The following BEGAIN variants were observed in gnomAD, a reference collection of about 807,000 sequenced individuals.
The protein encoded by BEGAIN is brain enriched guanylate kinase associated.
In BEGAIN, 19 loss-of-function variants were observed where a neutral mutation model predicts 35.8. The observed-to-expected ratio is 0.53, with a 90% CI of 0.37 to 0.78. The LOEUF is 0.78. Ranked by LOEUF, BEGAIN falls within the 30% of genes least tolerant of loss-of-function variation. BEGAIN has a pLI of 0.00. For synonymous variants in BEGAIN, 462 were observed against 388.6 expected, an observed-to-expected ratio of 1.19 and a Z score of -2.22; for missense variants, 795 against 853.6, an observed-to-expected ratio of 0.93 and a Z score of 0.85.
intron 1 of BEGAIN, among the ~76,000 whole-genome samples, chr14:100,583,146 G>A (rs540803174): frequency 1.3e-4 from 20 of 151,434 alleles, no homozygotes; most frequent in African/African-American, 4.6e-4. Flanking sequence ...CCATCTGTCC[G>A]CCTGCCCATC....
chr14:100,563,860 A>G lies in BEGAIN; in HGVS notation c.71+4051T>C, dbSNP rs10144080. Among the ~76,000 whole-genome samples, 10,380 of 152,262 alleles carry G rather than the reference A, an allele frequency of 0.068. 1,135 individuals are homozygous for G. Among genetic ancestry groups the G allele is most frequent in the African/African-American group, 0.23 (9,490 of 41,506 alleles). ...ACAACAGCAACTGGTAGCTCCACCT[A>G]CCACCACAAGGGACCCTCACAAACA... is the stretch of plus-strand genomic sequence containing the variant. On this transcript the variant is annotated intron_variant, in intron 2 of 6. Transcript: ENST00000554140. The surrounding 1 kb of genome is among the most constrained non-coding windows in gnomAD (Gnocchi z 4.2).
At chr14:100,580,028 G>GGT (rs10656866) in intron 1 of BEGAIN, among the ~76,000 whole-genome samples, 42,492 of 152,158 alleles carry the variant, frequency 0.28, 6,365 homozygotes, top group African/African-American at 0.37. Context: ...GACCAGGCCG[G>GGT]GTGCGGTGGC....
intron 2 of BEGAIN, among the ~76,000 whole-genome samples, chr14:100,565,464 T>C (rs1029090409): frequency 2.0e-5 from 3 of 152,146 alleles, no homozygotes; most frequent in African/African-American, 7.2e-5. Flanking sequence ...CCAGGTGACA[T>C]GGTCCTTTTG....
At chr14:100,541,222 C>G (rs2031560066) in intron 5 of BEGAIN, among the ~76,000 whole-genome samples, 1 of 152,268 alleles carries the variant, frequency 6.6e-6, no homozygotes, top group African/African-American at 2.4e-5. Context: ...CACTGAAAAT[C>G]TCTGTTGCAT....
At chr14:100,540,940 C>T (rs971638574) in intron 5 of BEGAIN, among the ~76,000 whole-genome samples, 3 of 152,216 alleles carry the variant, frequency 2.0e-5, no homozygotes, top group African/African-American at 7.2e-5. Flanking sequence ...CTCCCTGTCC[C>T]TGTCCCTCAG....
rs1173711821 is a variant in BEGAIN at position 100,538,829 on chromosome 14, C to G, written c.979G>C (p.Glu327Gln). 16 of 1,605,094 alleles carry G rather than the reference C, an allele frequency of 1.0e-5. No individual in the cohort carries two copies. Among genetic ancestry groups the G allele is most frequent in the Non-Finnish European group, 1.3e-5 (15 of 1,177,578 alleles). ...SSYSSFSATSEEKEHAQASTL... is the reference protein window; with the variant it reads ...SSYSSFSATSQEKEHAQASTL... ...CTGGCCTGCGCGTGCTCCTTCTCCTCCGACGTGGCGCTGAAGCTGGAGTAG... is the reference window on the plus strand; with the variant it reads ...CTGGCCTGCGCGTGCTCCTTCTCCTGCGACGTGGCGCTGAAGCTGGAGTAG... Residue 327 changes from glutamate (E) to glutamine (Q), a missense_variant, in exon 7 of 7, where the codon GAG (glutamate) becomes CAG (glutamine). By Grantham distance (29) the Glu-to-Gln change is conservative. Coordinates refer to ENST00000554140, the MANE Select transcript of BEGAIN (RefSeq NM_001385089.1).
intron 2 of BEGAIN, among the ~76,000 whole-genome samples, chr14:100,561,716 G>A (rs1417746204): frequency 2.1e-5 from 3 of 146,338 alleles, no homozygotes; most frequent in Admixed American, 1.3e-4. Flanking sequence ...CAAGACTGTC[G>A]AAAAAAAAAA....
chr14:100,544,861 C>CT (rs1419182407), intron 4 of BEGAIN, 139 bp downstream of exon 4: 1 of 888,002 alleles, frequency 1.1e-6, no homozygotes, highest in Non-Finnish European at 1.8e-6. Context: ...ACACCCTGCT[C>CT]CACATGTTCC....
rs1317258320 is a variant in BEGAIN, at chr14:100,573,314, AG to A, written c.43-5376del. 1.6e-5 allele frequency among the ~76,000 whole-genome samples: 2 copies of A among 121,218 alleles called. No individual in the cohort carries two copies. Among genetic ancestry groups the A allele is most frequent in the East Asian group, 4.7e-4 (2 of 4,286 alleles). The allele number at this position is 121,218 out of a possible 152,430, so 79.5% of individuals were successfully genotyped here. ...TGAGTCCCGAAGGGGCCGCCAGAGG[AG>A]GGGCGGGTGAGTCCTGGGAGGTCGC... On this transcript the variant is annotated intron_variant, in intron 1 of 6. Transcript: ENST00000554140. The surrounding 1 kb of genome is among the most constrained non-coding windows in gnomAD (Gnocchi z 4.2).
chr14:100,587,087 G>A lies in BEGAIN; in HGVS notation c.42+162C>T, dbSNP rs868214080. On this transcript the variant is annotated intron_variant, in intron 1 of 6. Coordinates refer to ENST00000554140, the MANE Select transcript of BEGAIN (RefSeq NM_001385089.1). The stretch of plus-strand genomic sequence containing the variant: ...CAGGAGACCCGGCCCGGCTCCTCCC[G>A]GGCCAGTGAAGCCTCCACGGCGGGG... Among the ~76,000 whole-genome samples, 330 of 150,476 alleles carry A rather than the reference G, an allele frequency of 2.2e-3. 2 individuals carry two copies. Among genetic ancestry groups the A allele is most frequent in the Non-Finnish European group, 3.9e-3 (263 of 67,342 alleles).
Position 100,568,371 on chromosome 14 carries a change from G to C in BEGAIN, c.43-432C>G. On this transcript the variant is annotated intron_variant, in intron 1 of 6. Transcript: ENST00000554140. This position sits in a 1 kb window ranked among gnomAD's most constrained non-coding sequence, Gnocchi z 7.5. ...CCCTCCCGGAGGAAGCCGAACCCCG[G>C]AATCGCAGAACCTCCGAGTCGGAGA... 5 of 1,184,550 alleles carry C rather than the reference G, an allele frequency of 4.2e-6. No individual in the cohort carries two copies. Among genetic ancestry groups the C allele is most frequent in the Non-Finnish European group, 5.5e-6 (5 of 906,376 alleles). 73.4% of individuals were successfully genotyped at this position (1,184,550 alleles called of 1,614,324 possible). A position where few individuals can be genotyped will look rare whatever the true frequency, so the allele number is the denominator to read the frequency against.
chr14:100,548,525 GC>G (rs2032829835), intron 2 of BEGAIN: 1 of 152,504 alleles, frequency 6.6e-6, no homozygotes, highest in African/African-American at 2.4e-5. Context: ...CACACCCCAG[GC>G]CTCACTGAGC....
chr14:100,574,067 G>A (rs977264281), intron 1 of BEGAIN, among the ~76,000 whole-genome samples: 1 of 152,190 alleles, frequency 6.6e-6, no homozygotes, highest in South Asian at 2.1e-4. Flanking sequence ...AGGACGGAGA[G>A]CCGCCTGGGC....
At position 100,571,472 on chromosome 14, in the gene BEGAIN, C is replaced by G. The variant is rs117263310; in HGVS notation, c.43-3533G>C. On this transcript the variant is annotated intron_variant, in intron 1 of 6. Transcript: ENST00000554140. The stretch of plus-strand genomic sequence containing the variant: ...TGTGTCCCCAGGGTGGCCTTGGGCC[C>G]GGTCACAGAAATCAGTTCCATTGAA... 2.6e-3 allele frequency among the ~76,000 whole-genome samples: 401 copies of G among 152,320 alleles called. 8 individuals carry two copies. In the East Asian group the frequency reaches 0.032, roughly 12 times the overall value.
intron 1 of BEGAIN, among the ~76,000 whole-genome samples, chr14:100,574,067 G>C (rs977264281): frequency 6.6e-6 from 1 of 152,190 alleles, no homozygotes; most frequent in Non-Finnish European, 1.5e-5. Flanking sequence ...AGGACGGAGA[G>C]CCGCCTGGGC....
chr14:100,576,838 C>T (rs765132487), intron 1 of BEGAIN, among the ~76,000 whole-genome samples: 6 of 152,210 alleles, frequency 3.9e-5, no homozygotes, highest in East Asian at 3.8e-4. Flanking sequence ...CATGTGTGGA[C>T]GGGGTACGAG....
At chr14:100,584,856 G>T (rs12883220) in intron 1 of BEGAIN, among the ~76,000 whole-genome samples, 65,973 of 151,856 alleles carry the variant, frequency 0.43, 17,838 homozygotes, top group Middle Eastern at 0.67. Context: ...AGTCAGAAGA[G>T]AACCATGCGG....
Position 100,568,049 on chromosome 14 carries a change from T to C in BEGAIN, c.43-110A>G, listed in dbSNP as rs2034864020. On this transcript the variant is annotated intron_variant, in intron 1 of 6. Transcript: ENST00000554140. The surrounding 1 kb of genome is among the most constrained non-coding windows in gnomAD (Gnocchi z 7.5). Reference sequence around the variant, plus strand: ...GGCCGGGCAACCCCGCGGGGCCCCGTCCGTGGGAAGCCCGGCGCCGCGCGT... The same window carrying C: ...GGCCGGGCAACCCCGCGGGGCCCCGCCCGTGGGAAGCCCGGCGCCGCGCGT... 8 of 1,130,752 alleles carry C rather than the reference T, an allele frequency of 7.1e-6. No homozygotes were observed. The South Asian group carries it at 3.2e-4, about 45-fold the overall frequency. 70.0% of individuals were successfully genotyped at this position (1,130,752 alleles called of 1,614,324 possible). A position where few individuals can be genotyped will look rare whatever the true frequency, so the allele number is the denominator to read the frequency against.
At position 100,558,073 on chromosome 14, in the gene BEGAIN, A is replaced by G. The variant is rs553868421; in HGVS notation, c.71+9838T>C. 3.4e-4 allele frequency among the ~76,000 whole-genome samples: 51 copies of G among 151,990 alleles called. No individual in the cohort carries two copies. Among genetic ancestry groups the G allele is most frequent in the Non-Finnish European group, 7.1e-4 (48 of 67,950 alleles). ...AGCTAGTCTCCCTCGCTCCTGAACC[A>G]TCCATTTTTCCCTCGCTTCCTGGTC... On this transcript the variant is annotated intron_variant, in intron 2 of 6. Transcript: ENST00000554140. The surrounding 1 kb of genome is among the most constrained non-coding windows in gnomAD (Gnocchi z 4.6).
Sources: gnomAD v4.1 joint callset for allele counts (sites outside exome capture counted in the v4.1 genomes callset) on GRCh38, gnomAD v4.1.1 for gene constraint, Gnocchi (gnomAD v3.1) non-coding constraint, MANE v1.5 for transcripts, NCBI Gene and HGNC (gene_info 2026-07-23, HGNC 2026-07-21) for gene names.